KCNIP1: variants seen among roughly 807,000 people sequenced by gnomAD.
KCNIP1 encodes the protein potassium voltage-gated channel interacting protein 1.
In KCNIP1, 18 loss-of-function variants were observed where a neutral mutation model predicts 33.0. The observed-to-expected ratio is 0.55, with a 90% CI of 0.38 to 0.81. The LOEUF (loss-of-function observed/expected upper bound fraction) is 0.81. Among genes scored for constraint, KCNIP1 ranks in the 30% least tolerant of loss-of-function variants. The probability of loss-of-function intolerance (pLI) is 0.00; values close to 1 mark genes in which losing one functional copy is unlikely to be tolerated. For missense variants in KCNIP1, 238 were observed against 271.6 expected (o/e 0.88, Z 0.87); for synonymous variants, 93 against 98.3 (o/e 0.95, Z 0.32).
At chr5:170,589,752 G>T (rs1758144473) in intron 1 of KCNIP1, among the ~76,000 whole-genome samples, 2 of 140,946 alleles carry the variant, frequency 1.4e-5, no homozygotes, top group Non-Finnish European at 3.1e-5. Flanking sequence ...GGTGTGGTGT[G>T]GTGTGGTGTG....
intron 1 of KCNIP1, among the ~76,000 whole-genome samples, chr5:170,558,576 G>T (rs147042446): frequency 2.0e-5 from 3 of 152,162 alleles, no homozygotes; most frequent in Non-Finnish European, 2.9e-5. Context: ...GACCCTACTG[G>T]GCTCTCTGGA....
chr5:170,572,530 C>G (rs1757458740), intron 1 of KCNIP1, among the ~76,000 whole-genome samples: 1 of 152,210 alleles, frequency 6.6e-6, no homozygotes, highest in Admixed American at 6.5e-5. Context: ...CTTAAAAGAT[C>G]AAGGCATACG....
intron 1 of KCNIP1, among the ~76,000 whole-genome samples, chr5:170,585,431 T>C (rs2113530797): frequency 6.6e-6 from 1 of 152,192 alleles, no homozygotes; most frequent in South Asian, 2.1e-4. Context: ...TCTGGCACAT[T>C]CCACTGTATT....
intron 1 of KCNIP1, among the ~76,000 whole-genome samples, chr5:170,603,827 A>C (rs1758792740): frequency 6.6e-6 from 1 of 152,242 alleles, no homozygotes; most frequent in South Asian, 2.1e-4. Flanking sequence ...GTCAGAAAGC[A>C]TCTGAAATTT....
chr5:170,399,612 T>C (rs1464048197), intron 1 of KCNIP1, among the ~76,000 whole-genome samples: 1 of 152,242 alleles, frequency 6.6e-6, no homozygotes, highest in Non-Finnish European at 1.5e-5. Flanking sequence ...GTTCTAAAGA[T>C]TGATACAAAT....
chr5:170,382,397 C>T (rs947105777), intron 1 of KCNIP1, among the ~76,000 whole-genome samples: 2 of 152,140 alleles, frequency 1.3e-5, no homozygotes, highest in Admixed American at 6.5e-5. Flanking sequence ...GAGACATACA[C>T]ACTCACATTT....
chr5:170,560,207 C>T (rs1756987328), intron 1 of KCNIP1, among the ~76,000 whole-genome samples: 1 of 152,144 alleles, frequency 6.6e-6, no homozygotes, highest in Admixed American at 6.5e-5. Context: ...CTCCTCCTCT[C>T]AGCCTCTGGG....
rs549706002 is a variant in KCNIP1 at position 170,686,968 on chromosome 5, T to C, written c.62-31790T>C. ...CCCCCTCTCCAGCCCCAAACCTCTCTCCTGATCCACGGTACTCCTCCTGGG... is the reference window on the plus strand; with the variant it reads ...CCCCCTCTCCAGCCCCAAACCTCTCCCCTGATCCACGGTACTCCTCCTGGG... On this transcript the variant is annotated intron_variant, in intron 1 of 7. Coordinates refer to ENST00000328939, the MANE Select transcript of KCNIP1 (RefSeq NM_014592.4). Among the ~76,000 whole-genome samples the C allele has an allele frequency of 3.9e-5, 6 of 151,938 alleles. No homozygotes were observed. In the South Asian group the frequency reaches 8.4e-4, roughly 21 times the overall value.
At chr5:170,605,338 T>G (rs1258004973) in intron 1 of KCNIP1, among the ~76,000 whole-genome samples, 1 of 152,214 alleles carries the variant, frequency 6.6e-6, no homozygotes, top group East Asian at 1.9e-4. Context: ...CTTATTTTCT[T>G]GCTATTTCCC....
At position 170,597,833 on chromosome 5, in the gene KCNIP1, A is replaced by C. The variant is rs143856029; in HGVS notation, c.61+93200A>C. On this transcript the variant is annotated intron_variant, in intron 1 of 7. Transcript: ENST00000328939. ...TATATATATATATATATATATATGA[A>C]AGAAAGAAAGAAAAGAGAGAGAGAG... 8.1e-3 allele frequency among the ~76,000 whole-genome samples: 1,196 copies of C among 146,970 alleles called. 109 individuals are homozygous for C. The East Asian group carries it at 0.19, about 24-fold the overall frequency.
intron 1 of KCNIP1, among the ~76,000 whole-genome samples, chr5:170,687,230 A>G (rs578045158): frequency 1.7e-4 from 25 of 150,934 alleles, no homozygotes; most frequent in Non-Finnish European, 2.7e-4. Flanking sequence ...TGCCCAGGCT[A>G]GAGTACAGTG....
chr5:170,732,763 G>A lies in KCNIP1; in HGVS notation c.436-37G>A, dbSNP rs185168814. On this transcript the variant is annotated intron_variant, in intron 5 of 7. Transcript: ENST00000328939. ...TCACCTAGGAAGAGCTTGACCTCATGGTTTCCACACTGTGTGCTTTTATGT... is the reference window on the plus strand; with the variant it reads ...TCACCTAGGAAGAGCTTGACCTCATAGTTTCCACACTGTGTGCTTTTATGT... 3.6e-4 allele frequency: 500 copies of A among 1,401,672 alleles called. 1 individual carries two copies. In the African/African-American group the frequency reaches 5.6e-3, roughly 16 times the overall value. The allele number at this position is 1,401,672 out of a possible 1,614,324, so 86.8% of individuals were successfully genotyped here. A position where few individuals can be genotyped will look rare whatever the true frequency, so the allele number is the denominator to read the frequency against.
At chr5:170,433,777 A>T (rs919950578) in intron 1 of KCNIP1, among the ~76,000 whole-genome samples, 1 of 152,194 alleles carries the variant, frequency 6.6e-6, no homozygotes, top group African/African-American at 2.4e-5. Flanking sequence ...TCACTGTTTC[A>T]TTTAACGTTT....
intron 5 of KCNIP1, among the ~76,000 whole-genome samples, chr5:170,727,931 AC>A (rs1237696523): frequency 1.3e-5 from 2 of 152,140 alleles, no homozygotes; most frequent in Admixed American, 6.5e-5. Context: ...ACAGAACAAG[AC>A]CCTTCCTCAA....
intron 1 of KCNIP1, among the ~76,000 whole-genome samples, chr5:170,432,386 C>G (rs1037538126): frequency 4.6e-5 from 7 of 152,184 alleles, no homozygotes; most frequent in Non-Finnish European, 1.0e-4. Context: ...GGCACCTAAC[C>G]TAATCCTTAG....
At chr5:170,628,821 T>C (rs957819259) in intron 1 of KCNIP1, among the ~76,000 whole-genome samples, 2 of 152,220 alleles carry the variant, frequency 1.3e-5, no homozygotes, top group African/African-American at 4.8e-5. Flanking sequence ...GCAGGGTTCA[T>C]GTTTGGAGTT....
In KCNIP1 at chr5:170,614,243, C is replaced by A. The variant is rs138248885; in HGVS notation, c.62-104515C>A. 2.4e-3 allele frequency among the ~76,000 whole-genome samples: 361 copies of A among 152,298 alleles called. 3 individuals are homozygous for A. The highest frequency in any genetic ancestry group is 8.2e-3 in the African/African-American group (339 of 41,572). On this transcript the variant is annotated intron_variant, in intron 1 of 7. Transcript: ENST00000328939. ...GGCCATTGACAGGATGCTACTGGTC[C>A]GGGTTGGGAGAAAAGGAATGCTGTA...
chr5:170,495,608 G>A (rs1002444947), intron 1 of KCNIP1, among the ~76,000 whole-genome samples: 2 of 152,244 alleles, frequency 1.3e-5, no homozygotes, highest in African/African-American at 4.8e-5. Flanking sequence ...TCTGCCTGAG[G>A]TGGAGGACAA....
At chr5:170,549,972 A>G (rs1756548299) in intron 1 of KCNIP1, among the ~76,000 whole-genome samples, 2 of 151,852 alleles carry the variant, frequency 1.3e-5, no homozygotes, top group Admixed American at 1.3e-4. Flanking sequence ...CTATGTGCTT[A>G]CCACTTTGAG....
Sources: gnomAD v4.1 joint callset for allele counts (sites outside exome capture counted in the v4.1 genomes callset) on GRCh38, gnomAD v4.1.1 for gene constraint, MANE v1.5 for transcripts, NCBI Gene and HGNC (gene_info 2026-07-23, HGNC 2026-07-21) for gene names.